IL1RAPL1: variants seen among roughly 807,000 people sequenced by gnomAD.
IL1RAPL1 encodes interleukin 1 receptor accessory protein like 1, also known as interleukin-1 receptor accessory protein-like 1.
In IL1RAPL1, 3 loss-of-function variants were observed where a neutral mutation model predicts 48.4. That is an observed-to-expected ratio of 0.06 (90% confidence interval 0.03 to 0.16). IL1RAPL1 has a LOEUF of 0.16. IL1RAPL1 is among the 10% of genes least tolerant of loss of function. The pLI, the probability that IL1RAPL1 is intolerant of heterozygous loss-of-function variation, is 1.00. For missense variants in IL1RAPL1, 349 were observed against 530.6 expected, an observed-to-expected ratio of 0.66 and a Z score of 3.36; for synonymous variants, 185 against 187.7, an observed-to-expected ratio of 0.99 and a Z score of 0.12.
intron 1 of IL1RAPL1, among the ~76,000 whole-genome samples, chrX:28,650,448 G>C (rs1313155395): frequency 9.0e-6 from 1 of 111,407 alleles, no homozygotes; most frequent in Non-Finnish European, 1.9e-5. Context: ...GATTTCATGA[G>C]ACTTCTTCAC....
At position 29,498,115 on chromosome X, in the gene IL1RAPL1, G is replaced by T. The variant is rs760120547; in HGVS notation, c.703+98807G>T. 8.9e-5 allele frequency among the ~76,000 whole-genome samples: 10 copies of T among 112,380 alleles called. No individual in the cohort carries two copies. The East Asian group carries it at 2.5e-3, about 28-fold the overall frequency. On this transcript the variant is annotated intron_variant, in intron 5 of 10. Coordinates refer to ENST00000378993, the MANE Select transcript of IL1RAPL1 (RefSeq NM_014271.4). The stretch of plus-strand genomic sequence containing the variant: ...TGACATATTAATCAATCAAGAAATG[G>T]TCATTTATATCAATAAATATTCAGT...
intron 3 of IL1RAPL1, among the ~76,000 whole-genome samples, chrX:29,391,067 C>T (rs757457507): frequency 9.1e-6 from 1 of 109,693 alleles, no homozygotes; most frequent in East Asian, 2.8e-4. Context: ...TCAGCTATTC[C>T]GGAGGCTGAG....
chrX:29,826,551 C>A (rs1410892641), intron 6 of IL1RAPL1, among the ~76,000 whole-genome samples: 1 of 111,467 alleles, frequency 9.0e-6, no homozygotes, highest in African/African-American at 3.3e-5. Context: ...CTCCCCTCCC[C>A]ACCTCCAGCC....
At chrX:29,278,165 A>T (rs1932146881) in intron 2 of IL1RAPL1, among the ~76,000 whole-genome samples, 1 of 112,307 alleles carries the variant, frequency 8.9e-6, no homozygotes, top group Non-Finnish European at 1.9e-5. Context: ...AAAGAATTCA[A>T]ACTTCAAGTT....
chrX:29,835,255 A>C (rs139606302), intron 6 of IL1RAPL1, among the ~76,000 whole-genome samples: 61 of 112,104 alleles, frequency 5.4e-4, no homozygotes, highest in Non-Finnish European at 1.0e-3. Flanking sequence ...TGACATAGAA[A>C]ATTACATGTA....
At chrX:28,872,746 T>C (rs943222347) in intron 2 of IL1RAPL1, among the ~76,000 whole-genome samples, 3 of 112,477 alleles carry the variant, frequency 2.7e-5, no homozygotes, top group Non-Finnish European at 5.6e-5. Context: ...GTCCTCATTG[T>C]TTTTACTAGC....
intron 5 of IL1RAPL1, among the ~76,000 whole-genome samples, chrX:29,433,181 G>C (rs1934441284): frequency 9.1e-6 from 1 of 109,898 alleles, no homozygotes; most frequent in Non-Finnish European, 1.9e-5. Flanking sequence ...TTGCCTCTTT[G>C]AAAATGCATG....
Position 28,669,729 on chromosome X carries a change from T to A in IL1RAPL1, c.-25+81682T>A, listed in dbSNP as rs764753209. Among the ~76,000 whole-genome samples the A allele has an allele frequency of 7.6e-5, 8 of 104,648 alleles. No homozygotes were observed. The East Asian group carries it at 2.0e-3, about 26-fold the overall frequency. The allele number at this position is 104,648 out of a possible 115,157, so 90.9% of individuals were successfully genotyped here. On this transcript the variant is annotated intron_variant, in intron 1 of 10. Transcript: ENST00000378993. Reference sequence around the variant, plus strand: ...ATATATAATTATATCATTTATAATATAATTTATAATTATATCATATCATAT... The same window carrying A: ...ATATATAATTATATCATTTATAATAAAATTTATAATTATATCATATCATAT...
At position 28,743,571 on chromosome X, in the gene IL1RAPL1, A is replaced by G. The variant is rs1024422092; in HGVS notation, c.-24-45749A>G. Among the ~76,000 whole-genome samples, 17 of 110,575 alleles carry G rather than the reference A, an allele frequency of 1.5e-4. No individual in the cohort carries two copies. In the East Asian group the frequency reaches 2.9e-3, roughly 19 times the overall value. On this transcript the variant is annotated intron_variant, in intron 1 of 10. Transcript: ENST00000378993. The stretch of plus-strand genomic sequence containing the variant: ...GTATCTGGATTAGAGAAATGCTCCA[A>G]TTGGACCTCTACCACCTAATCCTGA...
At chrX:28,742,163 A>C (rs1272517805) in intron 1 of IL1RAPL1, among the ~76,000 whole-genome samples, 2 of 111,339 alleles carry the variant, frequency 1.8e-5, no homozygotes, top group African/African-American at 6.5e-5. Context: ...TTGTCAGAAG[A>C]AGGTAGCCTA....
intron 5 of IL1RAPL1, among the ~76,000 whole-genome samples, chrX:29,428,852 C>T (rs1481195226): frequency 9.0e-6 from 1 of 111,418 alleles, no homozygotes; most frequent in Non-Finnish European, 1.9e-5. Context: ...ATCAGTAGCC[C>T]CCACTCATAC....
chrX:28,778,558 G>A (rs1420152482), intron 1 of IL1RAPL1, among the ~76,000 whole-genome samples: 1 of 111,999 alleles, frequency 8.9e-6, no homozygotes. Flanking sequence ...TACGAAAGGC[G>A]TAAGAAAGGT....
At position 29,081,029 on chromosome X, in the gene IL1RAPL1, CTTTTCTTT is replaced by C. The variant is rs745579502; in HGVS notation, c.83-201907_83-201900del. Among the ~76,000 whole-genome samples, 53 of 41,513 alleles carry C rather than the reference CTTTTCTTT, an allele frequency of 1.3e-3. 1 individual carries two copies. Among genetic ancestry groups the C allele is most frequent in the Non-Finnish European group, 2.1e-3 (45 of 21,389 alleles). 36.0% of individuals were successfully genotyped at this position (41,513 alleles called of 115,157 possible). Reference sequence around the variant, plus strand: ...CTCTCTCTCTCTCTCTCTTTCTTTTCTTTTCTTTTCTTTTCTTTTCTTTTCTTTTCTTT... The same window carrying C: ...CTCTCTCTCTCTCTCTCTTTCTTTTCTCTTTTCTTTTCTTTTCTTTTCTTT... On this transcript the variant is annotated intron_variant, in intron 2 of 10. Coordinates refer to ENST00000378993, the MANE Select transcript of IL1RAPL1 (RefSeq NM_014271.4).
chrX:29,500,461 A>C (rs1337995890), intron 5 of IL1RAPL1, among the ~76,000 whole-genome samples: 1 of 111,435 alleles, frequency 9.0e-6, no homozygotes, highest in African/African-American at 3.3e-5. Flanking sequence ...GTAACTGCCA[A>C]TCTACTCTGT....
intron 2 of IL1RAPL1, among the ~76,000 whole-genome samples, chrX:29,184,643 G>A (rs1179609816): frequency 2.7e-5 from 3 of 110,668 alleles, no homozygotes; most frequent in Admixed American, 1.9e-4. Context: ...TGGGCCTACA[G>A]GCTCATGCCA....
intron 5 of IL1RAPL1, among the ~76,000 whole-genome samples, chrX:29,616,336 T>C (rs914799785): frequency 1.9e-5 from 2 of 106,976 alleles, no homozygotes; most frequent in Non-Finnish European, 1.9e-5. Flanking sequence ...TTTTTTTTTT[T>C]ATTATATTAT....
At chrX:29,275,841 C>A (rs765544380) in intron 2 of IL1RAPL1, among the ~76,000 whole-genome samples, 13 of 111,922 alleles carry the variant, frequency 1.2e-4, no homozygotes, top group Non-Finnish European at 2.4e-4. Context: ...TTGTCTCACA[C>A]CAATATATGA....
At chrX:29,136,881 G>C (rs1929139712) in intron 2 of IL1RAPL1, among the ~76,000 whole-genome samples, 1 of 111,729 alleles carries the variant, frequency 9.0e-6, no homozygotes, top group Admixed American at 9.6e-5. Flanking sequence ...GGCAGTGATA[G>C]GGTTGGGGCA....
At chrX:28,848,834 G>T (rs1921580132) in intron 2 of IL1RAPL1, among the ~76,000 whole-genome samples, 1 of 111,807 alleles carries the variant, frequency 8.9e-6, no homozygotes, top group African/African-American at 3.2e-5. Flanking sequence ...TATAACTGCT[G>T]ACACAAGCCT....
Sources: allele counts gnomAD v4.1 joint callset (sites outside exome capture counted in the v4.1 genomes callset), GRCh38; gene constraint gnomAD v4.1.1; transcripts MANE v1.5; gene names NCBI Gene and HGNC (gene_info 2026-07-23, HGNC 2026-07-21).